ANKRD27: variants seen among roughly 807,000 people sequenced by gnomAD.
ANKRD27 encodes the protein ankyrin repeat domain 27.
A neutral mutation model predicts 129.7 loss-of-function variants in ANKRD27; 112 were observed. That is an observed-to-expected ratio of 0.86 (90% confidence interval 0.74 to 1.01). The LOEUF is 1.01. Among genes scored for constraint, ANKRD27 ranks in the 50% least tolerant of loss-of-function variants. ANKRD27 has a pLI of 0.00. For synonymous variants in ANKRD27, 516 were observed against 511.2 expected, an observed-to-expected ratio of 1.01 and a Z score of -0.13; for missense variants, 1,258 against 1,300.5, an observed-to-expected ratio of 0.97 and a Z score of 0.50.
intron 22 of ANKRD27, among the ~76,000 whole-genome samples, chr19:32,612,722 T>C (rs1971852664): frequency 6.6e-6 from 1 of 152,218 alleles, no homozygotes; most frequent in South Asian, 2.1e-4. Context: ...CAAATGGTGC[T>C]GGCGCAAGTG....
rs1464131586 is a variant in ANKRD27 at position 32,626,805 on chromosome 19, G to A, written c.1443C>T (p.Leu481=). The A allele has an allele frequency of 4.3e-6, 7 of 1,610,768 alleles. No homozygotes were observed. The highest frequency in any genetic ancestry group is 5.1e-6 in the Non-Finnish European group (6 of 1,178,622). Residue 481 remains leucine, a synonymous_variant, in exon 16 of 29, where the codon CTC becomes CTT. Transcript: ENST00000306065. ...AVCGQASLID[L]LVSKGAMVNA... is the part of the protein sequence containing the mutation. ...TTACCATGGCGCCCTTGGAAACCAG[G>A]AGGTCGATGAGGGATGCCTGCCCTG...
intron 20 of ANKRD27, among the ~76,000 whole-genome samples, chr19:32,618,396 T>C (rs1599742596): frequency 6.4e-5 from 2 of 31,488 alleles, no homozygotes; most frequent in African/African-American, 2.7e-4. Flanking sequence ...CAGGGAGCTA[T>C]GACTGTACCA....
At chr19:32,664,242 C>T (rs1341849252) in intron 1 of ANKRD27, among the ~76,000 whole-genome samples, 1 of 152,022 alleles carries the variant, frequency 6.6e-6, no homozygotes, top group Admixed American at 6.6e-5. Flanking sequence ...CAGCCCTGAA[C>T]TCCCAGCCTC....
chr19:32,615,711 G>C lies in ANKRD27; in HGVS notation c.2122C>G (p.Pro708Ala), dbSNP rs766558615. The C allele has an allele frequency of 1.9e-6, 3 of 1,614,166 alleles. No homozygotes were observed. Among genetic ancestry groups the C allele is most frequent in the South Asian group, 2.2e-5 (2 of 91,086 alleles). ...DAEDTVSAAD[P>A]EFCHPLCQCP... ...TGGCACAACGGGTGACAGAATTCGGGGTCCGCTGCACTGACAGTGTCCTCC... is the reference window on the plus strand; with the variant it reads ...TGGCACAACGGGTGACAGAATTCGGCGTCCGCTGCACTGACAGTGTCCTCC... Residue 708 changes from proline to alanine, a missense_variant, in exon 22 of 29, where the codon CCC becomes GCC. Coordinates refer to ENST00000306065, the MANE Select transcript of ANKRD27 (RefSeq NM_032139.3).
At chr19:32,601,675 C>G (rs1296942680) in intron 26 of ANKRD27, among the ~76,000 whole-genome samples, 1 of 151,390 alleles carries the variant, frequency 6.6e-6, no homozygotes, top group African/African-American at 2.4e-5. Flanking sequence ...AGGAAATGCC[C>G]AGAACACCTG....
rs1335220784 is a variant in ANKRD27 at position 32,639,759 on chromosome 19, A to C, written c.984-271T>G. On this transcript the variant is annotated intron_variant, in intron 11 of 28. Coordinates refer to ENST00000306065, the MANE Select transcript of ANKRD27 (RefSeq NM_032139.3). The stretch of plus-strand genomic sequence containing the variant: ...GGGAGAGATTATGGGTTTTGGGGCC[A>C]GAAAGAATGGCAATCAGCTTTCTGC... Among the ~76,000 whole-genome samples, 3 of 152,194 alleles carry C rather than the reference A, an allele frequency of 2.0e-5. No individual in the cohort carries two copies. In the East Asian group the frequency reaches 5.8e-4, roughly 29 times the overall value.
At chr19:32,656,863 T>G (rs1967548296) in intron 2 of ANKRD27, among the ~76,000 whole-genome samples, 1 of 152,142 alleles carries the variant, frequency 6.6e-6, no homozygotes, top group African/African-American at 2.4e-5. Flanking sequence ...GTATCTTGTA[T>G]ACAGCAGCTT....
At chr19:32,627,247 T>A (rs1039227486) in intron 15 of ANKRD27, among the ~76,000 whole-genome samples, 1 of 151,878 alleles carries the variant, frequency 6.6e-6, no homozygotes, top group Non-Finnish European at 1.5e-5. Flanking sequence ...CGTCCACACA[T>A]CCACACAAGC....
intron 1 of ANKRD27, among the ~76,000 whole-genome samples, chr19:32,669,172 C>G (rs1284454174): frequency 1.3e-5 from 2 of 152,166 alleles, no homozygotes; most frequent in Non-Finnish European, 1.5e-5. Flanking sequence ...ACACAGGCCC[C>G]TCAACTAATT....
chr19:32,618,222 T>C (rs1036600253), intron 20 of ANKRD27, among the ~76,000 whole-genome samples: 14 of 151,916 alleles, frequency 9.2e-5, no homozygotes, highest in African/African-American at 3.4e-4. Context: ...TACATATAAA[T>C]GTATATTTAT....
intron 1 of ANKRD27, among the ~76,000 whole-genome samples, chr19:32,663,132 C>T (rs1437160198): frequency 3.3e-5 from 5 of 152,142 alleles, no homozygotes; most frequent in African/African-American, 9.7e-5. Flanking sequence ...AAAGGGCTTG[C>T]GGATTCCATT....
At position 32,626,773 on chromosome 19, in the gene ANKRD27, G is replaced by A; in HGVS notation, c.1475C>T (p.Thr492Ile). 5 of 1,612,720 alleles carry A rather than the reference G, an allele frequency of 3.1e-6. No homozygotes were observed. Among genetic ancestry groups the A allele is most frequent in the Non-Finnish European group, 4.2e-6 (5 of 1,179,472 alleles). ...GAGCGGAGTGGCTCCATGGTAGTCT[G>A]TGGCATTTACCATGGCGCCCTTGGA... Reference protein sequence around the residue: ...LVSKGAMVNATDYHGATPLHL... With the variant: ...LVSKGAMVNAIDYHGATPLHL... Residue 492 changes from threonine to isoleucine, a missense_variant, in exon 16 of 29, where the codon ACA (threonine) becomes ATA (isoleucine). By Grantham distance (89) the Thr-to-Ile change is moderately conservative (BLOSUM62 -1). Transcript: ENST00000306065.
At chr19:32,649,339 C>G (rs1032542160) in intron 3 of ANKRD27, among the ~76,000 whole-genome samples, 1 of 152,164 alleles carries the variant, frequency 6.6e-6, no homozygotes, top group Non-Finnish European at 1.5e-5. Context: ...AAGACACTGA[C>G]AAGCTTTTCA....
At chr19:32,600,141 C>T in intron 26 of ANKRD27, 91 bp from the exon 27 acceptor site, 2 of 1,001,354 alleles carry the variant, frequency 2.0e-6, no homozygotes, top group Non-Finnish European at 3.0e-6. Context: ...TTTCTATTCT[C>T]AGATTTACAA....
At chr19:32,648,188 C>A (rs1406610944) in intron 3 of ANKRD27, among the ~76,000 whole-genome samples, 1 of 151,982 alleles carries the variant, frequency 6.6e-6, no homozygotes, top group Non-Finnish European at 1.5e-5. Flanking sequence ...ATCACTTGAA[C>A]CTGGGAGGCG....
At chr19:32,652,600 A>G (rs1967439540) in intron 2 of ANKRD27, among the ~76,000 whole-genome samples, 1 of 150,544 alleles carries the variant, frequency 6.6e-6, no homozygotes, top group Admixed American at 6.6e-5. Context: ...GGGTTGGGGG[A>G]AAGAAAGTCC....
chr19:32,645,956 G>A (rs1194304286), intron 4 of ANKRD27, among the ~76,000 whole-genome samples: 1 of 149,312 alleles, frequency 6.7e-6, no homozygotes, highest in Non-Finnish European at 1.5e-5. Flanking sequence ...TTTTGAGACA[G>A]AGTCTCACTC....
At chr19:32,672,791 C>T (rs1001781864) in intron 1 of ANKRD27, 1 of 152,436 alleles carries the variant, frequency 6.6e-6, no homozygotes, top group African/African-American at 2.4e-5. Context: ...ATGCACCCTC[C>T]ACCAGTATCT....
chr19:32,625,812 C>A, intron 17 of ANKRD27, 62 bp downstream of exon 17: 2 of 1,308,970 alleles, frequency 1.5e-6, no homozygotes, highest in Non-Finnish European at 2.1e-6. Context: ...TGAGAAATCC[C>A]GACTTCTCTA....
Sources: gnomAD v4.1 joint callset for allele counts (sites outside exome capture counted in the v4.1 genomes callset) on GRCh38, gnomAD v4.1.1 for gene constraint, MANE v1.5 for transcripts, NCBI Gene and HGNC (gene_info 2026-07-23, HGNC 2026-07-21) for gene names.